The following ZBTB20 variants were observed in gnomAD, a reference collection of about 807,000 sequenced individuals.
The protein encoded by ZBTB20 is zinc finger and BTB domain-containing protein 20.
Under a neutral mutation model 56.9 loss-of-function variants are expected in ZBTB20, and 9 were observed. The ratio of observed to expected loss-of-function variants is 0.16; its 90% CI spans 0.10 to 0.28. ZBTB20 has a LOEUF of 0.28. Ranked by LOEUF, ZBTB20 falls within the 10% of genes least tolerant of loss-of-function variation. The pLI, the probability that ZBTB20 is intolerant of heterozygous loss-of-function variation, is 1.00. For synonymous variants in ZBTB20, 417 were observed against 420.7 expected (o/e 0.99, Z 0.11); for missense variants, 655 against 1,003.0 (o/e 0.65, Z 4.69).
At chr3:114,988,516 T>C (rs1402660045) in intron 2 of ZBTB20, among the ~76,000 whole-genome samples, 2 of 152,150 alleles carry the variant, frequency 1.3e-5, no homozygotes, top group East Asian at 3.8e-4. Context: ...GACATTTGGG[T>C]TGATTCCAAG....
intron 5 of ZBTB20, among the ~76,000 whole-genome samples, chr3:114,768,107 A>C (rs967259396): frequency 6.6e-6 from 1 of 152,196 alleles, no homozygotes; most frequent in Admixed American, 6.5e-5. Context: ...ACCAAGCCAT[A>C]ATAAATGGTT....
intron 3 of ZBTB20, among the ~76,000 whole-genome samples, chr3:114,907,695 G>A (rs1452367132): frequency 6.6e-6 from 1 of 151,754 alleles, no homozygotes; most frequent in African/African-American, 2.4e-5. Flanking sequence ...ACCTAGTTCA[G>A]GACAAAGCAC....
At position 114,315,788 on chromosome 3, in the gene ZBTB20, C is replaced by A. The variant is rs1576155043; in HGVS notation, c.*23217G>T. 6.6e-6 allele frequency: 1 copy of A among 152,274 alleles called. No individual in the cohort carries two copies. Among genetic ancestry groups the A allele is most frequent in the Non-Finnish European group, 1.5e-5 (1 of 68,170 alleles). The allele number at this position is 152,274 out of a possible 1,614,324, so 9.4% of individuals were successfully genotyped here. Reference sequence around the variant, plus strand: ...CACAGTAAACTTCATTGAGAACATACATGCCCAGATATCTCTTCTGTGCAC... The same window carrying A: ...CACAGTAAACTTCATTGAGAACATAAATGCCCAGATATCTCTTCTGTGCAC... On this transcript the variant is annotated 3_prime_UTR_variant, in exon 12 of 12. Transcript: ENST00000675478.
intron 2 of ZBTB20, among the ~76,000 whole-genome samples, chr3:115,017,922 G>A (rs2080039511): frequency 6.6e-6 from 1 of 151,492 alleles, no homozygotes; most frequent in African/African-American, 2.4e-5. Flanking sequence ...TTCAGATAAT[G>A]TTACTAAATT....
intron 6 of ZBTB20, among the ~76,000 whole-genome samples, chr3:114,592,382 G>A (rs1296790133): frequency 6.6e-6 from 1 of 152,100 alleles, no homozygotes; most frequent in African/African-American, 2.4e-5. Flanking sequence ...TGGGCAAATC[G>A]ATTTCATTAG....
intron 5 of ZBTB20, among the ~76,000 whole-genome samples, chr3:114,782,513 G>T (rs2070179987): frequency 6.6e-6 from 1 of 152,124 alleles, no homozygotes; most frequent in Non-Finnish European, 1.5e-5. Context: ...GTTTATACAT[G>T]TGTAAGTTTT....
Position 114,421,600 on chromosome 3 carries a change from C to T in ZBTB20, c.-254-32495G>A, listed in dbSNP as rs181928466. Among the ~76,000 whole-genome samples, 67 of 152,170 alleles carry T rather than the reference C, an allele frequency of 4.4e-4. 1 individual carries two copies. Among genetic ancestry groups the T allele is most frequent in the African/African-American group, 1.1e-3 (44 of 41,512 alleles). On this transcript the variant is annotated intron_variant, in intron 7 of 11. Coordinates refer to ENST00000675478, the MANE Select transcript of ZBTB20 (RefSeq NM_001348800.3). ...TCCTGGTTTTAATAGCTGGGCTAAT[C>T]GAGTTTCAAGCCTGCAGTAGGTATA...
At chr3:115,011,810 A>C (rs1238131921) in intron 2 of ZBTB20, among the ~76,000 whole-genome samples, 1 of 151,906 alleles carries the variant, frequency 6.6e-6, no homozygotes, top group Non-Finnish European at 1.5e-5. Flanking sequence ...TCTTAAGTAC[A>C]AAGAGTAAAT....
At chr3:114,544,867 A>G (rs1423678863) in intron 6 of ZBTB20, among the ~76,000 whole-genome samples, 1 of 152,162 alleles carries the variant, frequency 6.6e-6, no homozygotes, top group Non-Finnish European at 1.5e-5. Flanking sequence ...CCTATGAGTC[A>G]TTCATTCAGT....
chr3:115,011,684 G>T (rs1426890172), intron 2 of ZBTB20, among the ~76,000 whole-genome samples: 1 of 151,704 alleles, frequency 6.6e-6, no homozygotes, highest in Non-Finnish European at 1.5e-5. Flanking sequence ...AATAAAAAAG[G>T]ATGTTAATGA....
At chr3:114,714,541 GAA>G (rs11294072) in intron 5 of ZBTB20, among the ~76,000 whole-genome samples, 66 of 137,472 alleles carry the variant, frequency 4.8e-4, no homozygotes, top group African/African-American at 1.5e-3. Flanking sequence ...AGCATTTCAG[GAA>G]AAAAAAAAAA....
intron 6 of ZBTB20, among the ~76,000 whole-genome samples, chr3:114,685,166 T>G (rs1374421909): frequency 6.6e-6 from 1 of 151,990 alleles, no homozygotes; most frequent in Non-Finnish European, 1.5e-5. Context: ...TAGGCTTCAG[T>G]GATGGAAAAG....
intron 7 of ZBTB20, among the ~76,000 whole-genome samples, chr3:114,392,171 G>T (rs1169146867): frequency 4.6e-5 from 7 of 151,876 alleles, no homozygotes; most frequent in Non-Finnish European, 1.0e-4. Flanking sequence ...ATGGTTAATG[G>T]GTACAAAAAA....
At chr3:114,754,001 G>C (rs1436709592) in intron 5 of ZBTB20, among the ~76,000 whole-genome samples, 1 of 152,118 alleles carries the variant, frequency 6.6e-6, no homozygotes, top group African/African-American at 2.4e-5. Context: ...GAAACTGCAA[G>C]CTCTTGTCAT....
At chr3:114,370,776 C>T (rs2082909496) in intron 10 of ZBTB20, among the ~76,000 whole-genome samples, 1 of 152,182 alleles carries the variant, frequency 6.6e-6, no homozygotes, top group Non-Finnish European at 1.5e-5. Context: ...TAGTTGTCTC[C>T]ACTGGGAACA....
intron 3 of ZBTB20, among the ~76,000 whole-genome samples, chr3:114,911,096 C>T (rs1381113702): frequency 2.1e-5 from 3 of 142,866 alleles, no homozygotes; most frequent in Non-Finnish European, 4.6e-5. Context: ...TATACCCCCA[C>T]AGCAATAAAA....
At chr3:114,551,378 T>C (rs754845126) in intron 6 of ZBTB20, among the ~76,000 whole-genome samples, 37 of 152,184 alleles carry the variant, frequency 2.4e-4, no homozygotes, top group Admixed American at 4.6e-4. Flanking sequence ...TTAGACAAAT[T>C]TATAGACAAT....
intron 4 of ZBTB20, among the ~76,000 whole-genome samples, chr3:114,887,575 C>G (rs919997999): frequency 6.6e-6 from 1 of 152,116 alleles, no homozygotes; most frequent in Non-Finnish European, 1.5e-5. Flanking sequence ...CAGAGTTTGA[C>G]GTCATAGTGC....
intron 6 of ZBTB20, among the ~76,000 whole-genome samples, chr3:114,569,871 C>T (rs1236814392): frequency 6.6e-6 from 1 of 152,130 alleles, no homozygotes. Flanking sequence ...TCCATTCTCT[C>T]TCTCTCTCCC....
Sources: allele counts gnomAD v4.1 joint callset (sites outside exome capture counted in the v4.1 genomes callset), GRCh38; gene constraint gnomAD v4.1.1; transcripts MANE v1.5; gene names NCBI Gene and HGNC (gene_info 2026-07-23, HGNC 2026-07-21).